ARMC9: variants seen among roughly 807,000 people sequenced by gnomAD.
ARMC9 encodes the protein lisH domain-containing protein ARMC9.
ARMC9 carries 94 observed loss-of-function variants against 107.0 expected under a neutral mutation model. The observed-to-expected ratio is 0.88, with a 90% CI of 0.74 to 1.04. ARMC9 has a LOEUF of 1.04. ARMC9 is among the 50% of genes least tolerant of loss of function. The pLI is 0.00. For synonymous variants in ARMC9, 380 were observed against 396.9 expected, an observed-to-expected ratio of 0.96 and a Z score of 0.51; for missense variants, 942 against 1,030.1, an observed-to-expected ratio of 0.91 and a Z score of 1.17.
intron 14 of ARMC9, 114 bp from the exon 15 acceptor site, chr2:231,276,522 G>C: frequency 7.1e-7 from 1 of 1,416,318 alleles, no homozygotes; most frequent in Non-Finnish European, 9.7e-7. Context: ...CGTCCGCCTT[G>C]GCCTCCCAAA....
rs71296842 is a variant in ARMC9, at chr2:231,324,123, CTTTTTTT to C, written c.1774-7654_1774-7648del. Among the ~76,000 whole-genome samples the C allele has an allele frequency of 1.0e-4, 9 of 89,272 alleles. No individual in the cohort carries two copies. The East Asian group carries it at 2.7e-3, about 27-fold the overall frequency. The allele number at this position is 89,272 out of a possible 152,430, so 58.6% of individuals were successfully genotyped here. A position where few individuals can be genotyped will look rare whatever the true frequency, so the allele number is the denominator to read the frequency against. On this transcript the variant is annotated intron_variant, in intron 19 of 24. Coordinates refer to ENST00000611582, the MANE Select transcript of ARMC9 (RefSeq NM_001352754.2). Reference sequence around the variant, plus strand: ...TCTCAGCAAATTTAATTGTAAAGTACTTTTTTTTTTTTTTTTTTTTTTGTGATGTAGT... The same window carrying C: ...TCTCAGCAAATTTAATTGTAAAGTACTTTTTTTTTTTTTTTGTGATGTAGT...
chr2:231,242,830 T>C (rs1178263395), intron 9 of ARMC9, among the ~76,000 whole-genome samples: 2 of 152,206 alleles, frequency 1.3e-5, no homozygotes, highest in African/African-American at 2.4e-5. Flanking sequence ...AAACTGATGT[T>C]GGTCAGGCAT....
chr2:231,235,885 G>T (rs2035664155), intron 8 of ARMC9, among the ~76,000 whole-genome samples: 1 of 152,124 alleles, frequency 6.6e-6, no homozygotes, highest in South Asian at 2.1e-4. Context: ...CAGGTGATCC[G>T]CCAGCCTTGG....
chr2:231,253,367 G>A (rs112871009), intron 9 of ARMC9, among the ~76,000 whole-genome samples: 24,379 of 151,848 alleles, frequency 0.16, 4,348 homozygotes, highest in African/African-American at 0.44. Flanking sequence ...TGCCTGCCTC[G>A]GCCTCCCAAA....
intron 21 of ARMC9, among the ~76,000 whole-genome samples, chr2:231,353,591 T>C (rs1057132847): frequency 6.6e-6 from 1 of 150,824 alleles, no homozygotes; most frequent in Non-Finnish European, 1.5e-5. Flanking sequence ...GGGCATGGCA[T>C]GAGTGCCCGC....
intron 17 of ARMC9, among the ~76,000 whole-genome samples, chr2:231,287,257 C>T (rs1434913266): frequency 6.6e-6 from 1 of 152,210 alleles, no homozygotes; most frequent in African/African-American, 2.4e-5. Context: ...TGCTGCTGCT[C>T]CCCACCCAAC....
chr2:231,277,065 A>T (rs2039824311), intron 15 of ARMC9, among the ~76,000 whole-genome samples: 1 of 152,190 alleles, frequency 6.6e-6, no homozygotes, highest in South Asian at 2.1e-4. Flanking sequence ...GGAAATTAAG[A>T]ATATGATCCC....
intron 1 of ARMC9, among the ~76,000 whole-genome samples, chr2:231,204,617 G>A (rs2031678038): frequency 6.6e-6 from 1 of 152,048 alleles, no homozygotes; most frequent in South Asian, 2.1e-4. Flanking sequence ...TCTAGGCACA[G>A]GGGAACACCT....
intron 10 of ARMC9, 79 bp downstream of exon 10, chr2:231,256,699 C>A: frequency 6.8e-7 from 1 of 1,467,258 alleles, no homozygotes; most frequent in Non-Finnish European, 9.5e-7. Flanking sequence ...CTTTAATAAA[C>A]ACTTAGCAGC....
At chr2:231,329,172 C>T (rs939364773) in intron 19 of ARMC9, among the ~76,000 whole-genome samples, 1 of 151,798 alleles carries the variant, frequency 6.6e-6, no homozygotes, top group African/African-American at 2.4e-5. Context: ...AATAATCTTA[C>T]TTATGACTAC....
chr2:231,304,138 G>C (rs1196128224), intron 19 of ARMC9, among the ~76,000 whole-genome samples: 1 of 151,874 alleles, frequency 6.6e-6, no homozygotes, highest in South Asian at 2.1e-4. Flanking sequence ...ACAAAGGCAG[G>C]AGAATTGCTT....
At chr2:231,237,175 CGTGTGTGTGTGTGT>C (rs58607252) in intron 8 of ARMC9, among the ~76,000 whole-genome samples, 2 of 148,698 alleles carry the variant, frequency 1.3e-5, no homozygotes, top group African/African-American at 2.5e-5. Flanking sequence ...TCTGCGTATG[CGTGTGTGTGTGTGT>C]GTGTGTGTGT....
chr2:231,207,889 A>G (rs2032259721), intron 2 of ARMC9, among the ~76,000 whole-genome samples: 1 of 152,128 alleles, frequency 6.6e-6, no homozygotes, highest in Admixed American at 6.6e-5. Context: ...CATCCTTGCC[A>G]AGACTTTTTA....
In ARMC9 at chr2:231,263,154, A is replaced by T. The variant is rs1006062983; in HGVS notation, c.1119+756A>T. Among the ~76,000 whole-genome samples, 6 of 152,160 alleles carry T rather than the reference A, an allele frequency of 3.9e-5. No homozygotes were observed. In the South Asian group the frequency reaches 6.2e-4, roughly 16 times the overall value. ...AGAGTGTACTACATTTTATTATTTC[A>T]GTTGAATTTTTATCCAGAGTGCTGT... On this transcript the variant is annotated intron_variant, in intron 12 of 24. Transcript: ENST00000611582.
chr2:231,266,504 A>G (rs60240472), intron 12 of ARMC9, among the ~76,000 whole-genome samples: 40,374 of 152,040 alleles, frequency 0.27, 5,528 homozygotes, highest in African/African-American at 0.3. Flanking sequence ...GTGGTATTAA[A>G]CACATTCATA....
intron 10 of ARMC9, among the ~76,000 whole-genome samples, chr2:231,258,439 C>T (rs1010104270): frequency 1.3e-5 from 2 of 152,132 alleles, no homozygotes; most frequent in Non-Finnish European, 2.9e-5. Flanking sequence ...CACAGGCCTC[C>T]CAAAGTGCTG....
chr2:231,357,812 C>T (rs1412895190), intron 22 of ARMC9, among the ~76,000 whole-genome samples: 1 of 152,178 alleles, frequency 6.6e-6, no homozygotes, highest in Non-Finnish European at 1.5e-5. Context: ...CTCAAGTAAT[C>T]CTCCTGCCTG....
chr2:231,221,849 G>A (rs978358823), intron 5 of ARMC9, among the ~76,000 whole-genome samples: 184 of 70,202 alleles, frequency 2.6e-3, no homozygotes, highest in Middle Eastern at 7.7e-3. Context: ...AAAAAAAAAA[G>A]AACTTTCTGC....
chr2:231,272,901 T>C (rs2039459293), intron 13 of ARMC9, 54 bp from the exon 14 acceptor site: 1 of 1,590,694 alleles, frequency 6.3e-7, no homozygotes, highest in Admixed American at 1.8e-5. Context: ...TTTTGTAGCA[T>C]ACCAGATAAA....
Sources: gnomAD v4.1 joint callset for allele counts (sites outside exome capture counted in the v4.1 genomes callset) on GRCh38, gnomAD v4.1.1 for gene constraint, MANE v1.5 for transcripts, NCBI Gene and HGNC (gene_info 2026-07-23, HGNC 2026-07-21) for gene names.